THAP5: variants seen among roughly 807,000 people sequenced by gnomAD.
The protein encoded by THAP5 is THAP domain-containing protein 5.
A neutral mutation model predicts 34.0 loss-of-function variants in THAP5; 26 were observed. The ratio of observed to expected loss-of-function variants is 0.77; its 90% CI spans 0.56 to 1.06. The LOEUF (loss-of-function observed/expected upper bound fraction) is 1.06, where lower values mean the gene tolerates loss of function less well. THAP5 is among the 50% of genes least tolerant of loss of function. The probability of loss-of-function intolerance (pLI) is 0.00; values close to 1 mark genes in which losing one functional copy is unlikely to be tolerated. For missense variants in THAP5, 394 were observed against 452.8 expected (o/e 0.87, Z 1.18); for synonymous variants, 125 against 153.0 (o/e 0.82, Z 1.35).
At position 108,562,309 on chromosome 7, in the gene THAP5, T is replaced by C. The variant is rs930890928; in HGVS notation, c.*1882A>G. On this transcript the variant is annotated 3_prime_UTR_variant, in exon 3 of 3. Transcript: ENST00000415914. ...AATTAAGTATTTGCAAAATGCAACATAGGAATACTTAATAACACTGTAATA... is the reference window on the plus strand; with the variant it reads ...AATTAAGTATTTGCAAAATGCAACACAGGAATACTTAATAACACTGTAATA... 6.6e-6 allele frequency: 1 copy of C among 152,178 alleles called. No homozygotes were observed. Among genetic ancestry groups the C allele is most frequent in the Non-Finnish European group, 1.5e-5 (1 of 68,016 alleles). The allele number at this position is 152,178 out of a possible 1,614,324, so 9.4% of individuals were successfully genotyped here. A position where few individuals can be genotyped will look rare whatever the true frequency, so the allele number is the denominator to read the frequency against.
At chr7:108,566,090 C>T in intron 1 of THAP5, 68 bp from the exon 2 acceptor site, 2 of 1,351,418 alleles carry the variant, frequency 1.5e-6, no homozygotes, top group Non-Finnish European at 2.0e-6. Flanking sequence ...TTGCCAAATT[C>T]CCACCCTATA....
chr7:108,558,381 G>GTATATATATATATATATATATATATATA (rs66806128), downstream of THAP5, among the ~76,000 whole-genome samples: 7 of 93,838 alleles, frequency 7.5e-5, no homozygotes, highest in African/African-American at 1.4e-4. Context: ...GTGTGTGTAT[G>GTATATATATATATATATATATATATATA]TATATATATA....
At chr7:108,548,409 C>G in the THAP5 span, among the ~76,000 whole-genome samples, 7 of 152,036 alleles carry the variant, frequency 4.6e-5, no homozygotes, top group African/African-American at 1.7e-4. Flanking sequence ...AATAATGACA[C>G]TGGATGATAG....
At chr7:108,555,605 C>G (rs1342437781) in intron 1 of THAP5, among the ~76,000 whole-genome samples, 2 of 152,096 alleles carry the variant, frequency 1.3e-5, no homozygotes, top group African/African-American at 2.4e-5. Flanking sequence ...GTTTAATTGA[C>G]TCACAGTTCC....
chr7:108,558,377 G>GTGTGTGTGTGTGTATATATATATATA (rs1401164750), downstream of THAP5, among the ~76,000 whole-genome samples: 1 of 63,042 alleles, frequency 1.6e-5, no homozygotes, highest in Non-Finnish European at 2.9e-5. Context: ...ATGTGTGTGT[G>GTGTGTGTGTGTGTATATATATATATA]TATGTATATA....
the THAP5 span, among the ~76,000 whole-genome samples, chr7:108,544,448 T>C: frequency 6.6e-6 from 1 of 151,658 alleles, no homozygotes; most frequent in Non-Finnish European, 1.5e-5. Flanking sequence ...AGAGAATTGC[T>C]TGAACCTGGG....
chr7:108,554,194 T>C (rs1428779718), downstream of THAP5, among the ~76,000 whole-genome samples: 3 of 152,160 alleles, frequency 2.0e-5, no homozygotes, highest in Non-Finnish European at 2.9e-5. Context: ...ACAAAAAACT[T>C]TCTATTCTTT....
chr7:108,564,619 A>AT lies in THAP5; in HGVS notation c.759dup (p.Phe254IlefsTer5), dbSNP rs1554695383. ...TCAACTGTTTGATTAATTGTGCTGA[A>AT]TAAGAATGGATTTTCCTGTGCTGAC... is the stretch of plus-strand genomic sequence containing the variant. On this transcript the variant is annotated frameshift_variant, in exon 3 of 3. Transcript: ENST00000415914. LOFTEE classifies it high-confidence loss of function. 1 of 1,614,026 alleles carries AT rather than the reference A, an allele frequency of 6.2e-7. No homozygotes were observed. The highest frequency in any genetic ancestry group is 1.1e-5 in the South Asian group (1 of 91,078).
intron 1 of THAP5, among the ~76,000 whole-genome samples, chr7:108,566,978 G>A (rs1267481617): frequency 6.6e-6 from 1 of 152,064 alleles, no homozygotes; most frequent in Non-Finnish European, 1.5e-5. Flanking sequence ...TTTAAAAATA[G>A]TAACAATATA....
At chr7:108,544,242 T>C in the THAP5 span, among the ~76,000 whole-genome samples, 2 of 152,028 alleles carry the variant, frequency 1.3e-5, no homozygotes, top group Non-Finnish European at 1.5e-5. Flanking sequence ...AAGAAGGACA[T>C]TGGGCCAGGG....
chr7:108,548,768 G>A, the THAP5 span, among the ~76,000 whole-genome samples: 9 of 152,122 alleles, frequency 5.9e-5, no homozygotes, highest in East Asian at 1.9e-4. Flanking sequence ...TGAGAACAGC[G>A]CAGAAAAGAC....
chr7:108,543,205 G>C, the THAP5 span, among the ~76,000 whole-genome samples: 4 of 152,130 alleles, frequency 2.6e-5, no homozygotes. Flanking sequence ...GGGATTACCT[G>C]TGTGAGCCAC....
Position 108,569,563 on chromosome 7 carries a change from G to A in THAP5, c.7C>T (p.Arg3Cys). ...TTACAACAAATCGCTGCGCAATAGCGGGGCATGACTCGGGTGAGGCCCCTG... is the reference window on the plus strand; with the variant it reads ...TTACAACAAATCGCTGCGCAATAGCAGGGCATGACTCGGGTGAGGCCCCTG... MP[R>C]YCAAICCKNR... is the part of the protein sequence containing the mutation. Residue 3 changes from arginine (R) to cysteine (C), a missense_variant, in exon 1 of 3, where the codon CGC becomes TGC. Arg to Cys is a radical substitution (Grantham distance 180, BLOSUM62 -3). Coordinates refer to ENST00000415914, the MANE Select transcript of THAP5 (RefSeq NM_001130475.3). 5.8e-6 allele frequency: 9 copies of A among 1,551,566 alleles called. No homozygotes were observed. Among genetic ancestry groups the A allele is most frequent in the Non-Finnish European group, 7.8e-6 (9 of 1,147,012 alleles).
At position 108,565,077 on chromosome 7, in the gene THAP5, T is replaced by C; in HGVS notation, c.302A>G (p.Gln101Arg). The C allele has an allele frequency of 6.6e-7, 1 of 1,517,314 alleles. No individual in the cohort carries two copies. Among genetic ancestry groups the C allele is most frequent in the Non-Finnish European group, 8.8e-7 (1 of 1,134,676 alleles). 94.0% of individuals were successfully genotyped at this position (1,517,314 alleles called of 1,614,324 possible). The change falls in exon 3 of 3, where the codon CAG becomes CGG. Residue 101 changes from glutamine to arginine, a missense_variant. Physicochemically the swap from Gln to Arg is conservative, Grantham distance 43. Coordinates refer to ENST00000415914, the MANE Select transcript of THAP5 (RefSeq NM_001130475.3). ...TTTCTCATCTTCCAAGTTTTTCTTC[T>C]GGGATTTTTTTTTAGAAGGGTCTTT... ...QGKDPSKKKS[Q>R]KKNLEDEKEV...
chr7:108,544,695 C>T, the THAP5 span, among the ~76,000 whole-genome samples: 1 of 151,976 alleles, frequency 6.6e-6, no homozygotes, highest in African/African-American at 2.4e-5. Flanking sequence ...CTCACTCTGT[C>T]ACCCAGGCTG....
chr7:108,550,133 C>T (rs1864344470), downstream of THAP5, among the ~76,000 whole-genome samples: 1 of 152,140 alleles, frequency 6.6e-6, no homozygotes, highest in African/African-American at 2.4e-5. Context: ...CCAGAGGAGG[C>T]AATTTTTTGA....
At chr7:108,566,116 T>C in intron 1 of THAP5, 94 bp from the exon 2 acceptor site, 1 of 1,048,986 alleles carries the variant, frequency 9.5e-7, no homozygotes, top group Middle Eastern at 3.2e-4. Flanking sequence ...GGGTAACCTA[T>C]GCATCAAGTA....
chr7:108,563,653 C>T lies in THAP5; in HGVS notation c.*538G>A, dbSNP rs985932977. 1 of 147,148 alleles carries T rather than the reference C, an allele frequency of 6.8e-6. No homozygotes were observed. The highest frequency in any genetic ancestry group is 1.5e-5 in the Non-Finnish European group (1 of 67,170). The allele number at this position is 147,148 out of a possible 1,614,324, so 9.1% of individuals were successfully genotyped here. ...CAAAGACCACAGAATTCAATAAATA[C>T]TGAAAATAATACATGGTTAATATCA... is the stretch of plus-strand genomic sequence containing the variant. On this transcript the variant is annotated 3_prime_UTR_variant, in exon 3 of 3. Transcript: ENST00000415914.
downstream of THAP5, among the ~76,000 whole-genome samples, chr7:108,560,544 C>T (rs118148391): frequency 0.011 from 1,704 of 152,210 alleles, 12 homozygotes; most frequent in Middle Eastern, 0.044. Context: ...ATTTAAAAAC[C>T]GAATGACTGA....
Sources: allele counts gnomAD v4.1 joint callset (sites outside exome capture counted in the v4.1 genomes callset), GRCh38; gene constraint gnomAD v4.1.1; transcripts MANE v1.5; gene names NCBI Gene and HGNC (gene_info 2026-07-23, HGNC 2026-07-21).